IL1RAPL1: variants seen among roughly 807,000 people sequenced by gnomAD.
IL1RAPL1 encodes interleukin-1 receptor accessory protein-like 1.
A neutral mutation model predicts 48.4 loss-of-function variants in IL1RAPL1; 3 were observed. The ratio of observed to expected loss-of-function variants is 0.06; its 90% CI spans 0.03 to 0.16. The LOEUF (loss-of-function observed/expected upper bound fraction) is 0.16, where lower values mean the gene tolerates loss of function less well. Ranked by LOEUF, IL1RAPL1 falls within the 10% of genes least tolerant of loss-of-function variation. The pLI is 1.00. For synonymous variants in IL1RAPL1, 185 were observed against 187.7 expected (o/e 0.99, Z 0.12); for missense variants, 349 against 530.6 (o/e 0.66, Z 3.36).
At chrX:29,801,320 A>G (rs986809560) in intron 6 of IL1RAPL1, among the ~76,000 whole-genome samples, 1 of 111,290 alleles carries the variant, frequency 9.0e-6, no homozygotes, top group Non-Finnish European at 1.9e-5. Flanking sequence ...TGGGTTTTTG[A>G]GGCAGATGTT....
At chrX:28,839,928 A>G (rs186723274) in intron 2 of IL1RAPL1, among the ~76,000 whole-genome samples, 169 of 110,730 alleles carry the variant, frequency 1.5e-3, no homozygotes, top group African/African-American at 5.2e-3. Flanking sequence ...GCATTTTAGA[A>G]TATATAGTAG....
chrX:28,683,372 G>T, intron 1 of IL1RAPL1, among the ~76,000 whole-genome samples: 1 of 109,792 alleles, frequency 9.1e-6, no homozygotes, highest in Non-Finnish European at 1.9e-5. Context: ...TTTTTTCCAA[G>T]AAGGGGAAAG....
intron 2 of IL1RAPL1, among the ~76,000 whole-genome samples, chrX:29,067,949 TG>T (rs1927484789): frequency 8.9e-6 from 1 of 112,140 alleles, no homozygotes; most frequent in South Asian, 3.7e-4. Flanking sequence ...TATTGCTGAA[TG>T]AGGTATAGAT....
At chrX:29,502,971 A>T (rs984245647) in intron 5 of IL1RAPL1, among the ~76,000 whole-genome samples, 2 of 111,443 alleles carry the variant, frequency 1.8e-5, no homozygotes, top group Non-Finnish European at 3.8e-5. Flanking sequence ...TATGGCTTTG[A>T]TCTCATTACC....
At chrX:29,080,954 TTC>T (rs1289155712) in intron 2 of IL1RAPL1, among the ~76,000 whole-genome samples, 1 of 38,083 alleles carries the variant, frequency 2.6e-5, no homozygotes, top group African/African-American at 1.3e-4. Context: ...CTTTCTTTCT[TTC>T]TTTCTTTCTT....
At chrX:29,475,306 A>G (rs7065816) in intron 5 of IL1RAPL1, among the ~76,000 whole-genome samples, 9,972 of 111,790 alleles carry the variant, frequency 0.089, 704 homozygotes, top group African/African-American at 0.24. Flanking sequence ...TAGGATGTTC[A>G]TTAGTTCTCA....
chrX:28,754,534 T>C (rs935990639), intron 1 of IL1RAPL1, among the ~76,000 whole-genome samples: 1 of 112,394 alleles, frequency 8.9e-6, no homozygotes, highest in Non-Finnish European at 1.9e-5. Flanking sequence ...GATGTGGGCT[T>C]TCAGTTTGTA....
At chrX:29,833,023 A>G (rs1352810549) in intron 6 of IL1RAPL1, among the ~76,000 whole-genome samples, 1 of 111,201 alleles carries the variant, frequency 9.0e-6, no homozygotes, top group Non-Finnish European at 1.9e-5. Flanking sequence ...AATACCCACA[A>G]CTACCCCCCT....
chrX:29,078,723 A>G (rs774656185), intron 2 of IL1RAPL1, among the ~76,000 whole-genome samples: 66 of 112,045 alleles, frequency 5.9e-4, no homozygotes, highest in Non-Finnish European at 3.0e-4. Flanking sequence ...AAAATAGCTC[A>G]TGAATAAGGG....
At chrX:29,925,065 T>C (rs903278967) in intron 8 of IL1RAPL1, among the ~76,000 whole-genome samples, 1 of 111,527 alleles carries the variant, frequency 9.0e-6, no homozygotes. Flanking sequence ...TACTGAGAGT[T>C]ACAGTAAGGT....
rs755571054 is a variant in IL1RAPL1, at chrX:28,712,902, T to C, written c.-24-76418T>C. Among the ~76,000 whole-genome samples the C allele has an allele frequency of 1.7e-3, 190 of 111,638 alleles. 2 individuals are homozygous for C. Among genetic ancestry groups the C allele is most frequent in the African/African-American group, 5.4e-3 (167 of 30,804 alleles). ...CCACAAAATAATATAAAAATACTCA[T>C]ATTGAGTAATTCTACCTGTTTTTAC... On this transcript the variant is annotated intron_variant, in intron 1 of 10. Transcript: ENST00000378993.
chrX:29,115,174 G>A (rs1928654102), intron 2 of IL1RAPL1, among the ~76,000 whole-genome samples: 1 of 111,676 alleles, frequency 9.0e-6, no homozygotes, highest in African/African-American at 3.3e-5. Context: ...ATATTGTATG[G>A]TATCAATTTT....
At chrX:29,594,181 T>A (rs190702509) in intron 5 of IL1RAPL1, among the ~76,000 whole-genome samples, 39 of 112,372 alleles carry the variant, frequency 3.5e-4, no homozygotes, top group Admixed American at 1.5e-3. Context: ...CTGTCTTTTT[T>A]AAATCTCAAA....
chrX:29,483,076 T>G (rs1204271263), intron 5 of IL1RAPL1, among the ~76,000 whole-genome samples: 1 of 111,985 alleles, frequency 8.9e-6, no homozygotes, highest in African/African-American at 3.2e-5. Context: ...TTCTGATATA[T>G]CTGAGAAGAA....
intron 9 of IL1RAPL1, among the ~76,000 whole-genome samples, chrX:29,946,375 A>G (rs2147254164): frequency 9.0e-6 from 1 of 111,728 alleles, no homozygotes; most frequent in East Asian, 2.8e-4. Context: ...TCTAGTTAGA[A>G]TAAGATGTTA....
intron 5 of IL1RAPL1, among the ~76,000 whole-genome samples, chrX:29,639,929 T>TATC (rs1438001824): frequency 8.9e-6 from 1 of 111,790 alleles, no homozygotes; most frequent in African/African-American, 3.3e-5. Flanking sequence ...AAGCATTTTT[T>TATC]ATCAGAAAGG....
At chrX:28,865,437 T>TTA in intron 2 of IL1RAPL1, among the ~76,000 whole-genome samples, 1 of 54,988 alleles carries the variant, frequency 1.8e-5, no homozygotes, top group South Asian at 9.2e-4. Context: ...AGACCCTGTC[T>TTA]CAAAAAAAAA....
chrX:29,046,032 TCTC>T (rs201916310), intron 2 of IL1RAPL1, among the ~76,000 whole-genome samples: 10,001 of 85,933 alleles, frequency 0.12, 1,003 homozygotes, highest in East Asian at 0.31. Flanking sequence ...TTCCTCTTCT[TCTC>T]CTCCTCCTCC....
chrX:29,080,990 TTCTTTCTCTC>T lies in IL1RAPL1; in HGVS notation c.83-201944_83-201935del, dbSNP rs1357385457. 2.7e-3 allele frequency among the ~76,000 whole-genome samples: 77 copies of T among 28,168 alleles called. 1 individual carries two copies. The highest frequency in any genetic ancestry group is 9.6e-3 in the African/African-American group (69 of 7,209). 24.5% of individuals were successfully genotyped at this position (28,168 alleles called of 115,157 possible). A position where few individuals can be genotyped will look rare whatever the true frequency, so the allele number is the denominator to read the frequency against. The stretch of plus-strand genomic sequence containing the variant: ...TTTCTTTCTTTCTTTCTTTCTTTCT[TTCTTTCTCTC>T]TCTCTCTCTCTCTCTCTCTCTTTCT... On this transcript the variant is annotated intron_variant, in intron 2 of 10. Coordinates refer to ENST00000378993, the MANE Select transcript of IL1RAPL1 (RefSeq NM_014271.4).
Sources: allele counts gnomAD v4.1 joint callset (sites outside exome capture counted in the v4.1 genomes callset), GRCh38; gene constraint gnomAD v4.1.1; transcripts MANE v1.5; gene names NCBI Gene and HGNC (gene_info 2026-07-23, HGNC 2026-07-21).